Variants in SCRT1 observed in about 807,000 individuals in gnomAD.
SCRT1 encodes scratch family transcriptional repressor 1, also known as transcriptional repressor scratch 1.
A neutral mutation model predicts 3.4 loss-of-function variants in SCRT1; 1 was observed. That is an observed-to-expected ratio of 0.29 (90% CI 0.10 to 1.39). The LOEUF (loss-of-function observed/expected upper bound fraction) is 1.39, where lower values mean the gene tolerates loss of function less well. Among genes scored for constraint, SCRT1 ranks in the 40% most tolerant of loss-of-function variants. The probability of loss-of-function intolerance (pLI) is 0.42; values close to 1 mark genes in which losing one functional copy is unlikely to be tolerated. For synonymous variants in SCRT1, 238 were observed against 247.0 expected (o/e 0.96, Z 0.34); for missense variants, 380 against 526.3 (o/e 0.72, Z 2.72).
Position 144,332,304 on chromosome 8 carries a change from C to G in SCRT1, c.*881G>C, listed in dbSNP as rs1554849650. 2 of 151,450 alleles carry G rather than the reference C, an allele frequency of 1.3e-5. No homozygotes were observed. The highest frequency in any genetic ancestry group is 2.9e-5 in the Non-Finnish European group (2 of 67,996). 9.4% of individuals were successfully genotyped at this position (151,450 alleles called of 1,614,324 possible). On this transcript the variant is annotated 3_prime_UTR_variant, in exon 2 of 2. Coordinates refer to ENST00000569446, the MANE Select transcript of SCRT1 (RefSeq NM_031309.6). ...CGCAACCCCCCCAGGGGGCTTTACC[C>G]GCAAAGCGAAGACAGAGGTGTGTAG...
chr8:144,335,757 T>C lies in SCRT1; in HGVS notation c.115+298A>G, dbSNP rs533308300. Among the ~76,000 whole-genome samples the C allele has an allele frequency of 6.6e-6, 1 of 152,312 alleles. No homozygotes were observed. Among genetic ancestry groups the C allele is most frequent in the East Asian group, 1.9e-4 (1 of 5,176 alleles). ...CTGGGTCCCGTCATGGCAGCGCCCA[T>C]GCGGCTGTGTCTGTCCCAGCATGGG... On this transcript the variant is annotated intron_variant, in intron 1 of 1. Transcript: ENST00000569446. This position sits in a 1 kb window ranked among gnomAD's most constrained non-coding sequence, Gnocchi z 7.7.
Position 144,333,711 on chromosome 8 carries a change from G to T in SCRT1, c.521C>A (p.Ala174Glu). Residue 174 changes from alanine to glutamate, a missense_variant, in exon 2 of 2, where the codon GCA (alanine) becomes GAA (glutamate). Transcript: ENST00000569446. ...PGGRGGTRAG[A>E]GTEARAGPGA... ...TGGCCCCGCGCGCGCCTCGGTGCCT[G>T]CCCCCGCGCGCGTGCCGCCCCGGCC... The T allele has an allele frequency of 8.7e-7, 1 of 1,143,846 alleles. No homozygotes were observed. The highest frequency in any genetic ancestry group is 1.1e-6 in the Non-Finnish European group (1 of 932,662). The allele number at this position is 1,143,846 out of a possible 1,614,324, so 70.9% of individuals were successfully genotyped here. A position where few individuals can be genotyped will look rare whatever the true frequency, so the allele number is the denominator to read the frequency against.
chr8:144,333,422 G>A lies in SCRT1; in HGVS notation c.810C>T (p.His270=). 1 of 1,603,194 alleles carries A rather than the reference G, an allele frequency of 6.2e-7. No homozygotes were observed. The highest frequency in any genetic ancestry group is 8.5e-7 in the Non-Finnish European group (1 of 1,176,730). ...PWLLQGHMRS[H]TGEKPFGCAH... ...CGCAGCCGAAGGGTTTCTCGCCGGTGTGCGAGCGCATGTGGCCCTGCAGCA... is the reference window on the plus strand; with the variant it reads ...CGCAGCCGAAGGGTTTCTCGCCGGTATGCGAGCGCATGTGGCCCTGCAGCA... Residue 270 remains histidine, a synonymous_variant, in exon 2 of 2, where the codon CAC becomes CAT. Transcript: ENST00000569446.
rs1284137092 is a variant in SCRT1, at chr8:144,332,006, C to A, written c.*1179G>T. ...GTCGCCGCCGAGGCTTTGGCATAGACGGGCGAAAGTTGGCAACCGAGTGGG... is the reference window on the plus strand; with the variant it reads ...GTCGCCGCCGAGGCTTTGGCATAGAAGGGCGAAAGTTGGCAACCGAGTGGG... On this transcript the variant is annotated 3_prime_UTR_variant, in exon 2 of 2. Coordinates refer to ENST00000569446, the MANE Select transcript of SCRT1 (RefSeq NM_031309.6). 2 of 133,462 alleles carry A rather than the reference C, an allele frequency of 1.5e-5. No individual in the cohort carries two copies. The highest frequency in any genetic ancestry group is 5.6e-5 in the African/African-American group (2 of 35,500). 8.3% of individuals were successfully genotyped at this position (133,462 alleles called of 1,614,324 possible).
In SCRT1 at chr8:144,333,688, GCCCCGCGCGCGCCTCGGTGCCTGC is replaced by G. The variant is rs1588694546; in HGVS notation, c.520_543del (p.Ala174_Gly181del). The G allele has an allele frequency of 9.1e-6, 13 of 1,425,618 alleles. No individual in the cohort carries two copies. The East Asian group carries it at 3.5e-4, about 39-fold the overall frequency. 88.3% of individuals were successfully genotyped at this position (1,425,618 alleles called of 1,614,324 possible). ...CGGCCGCCAGCACCTGCGGCCCCTG[GCCCCGCGCGCGCCTCGGTGCCTGC>G]CCCCGCGCGCGTGCCGCCCCGGCCC... On this transcript the variant is annotated inframe_deletion, in exon 2 of 2. Transcript: ENST00000569446.
Position 144,335,829 on chromosome 8 carries a change from C to A in SCRT1, c.115+226G>T, listed in dbSNP as rs1554850234. On this transcript the variant is annotated intron_variant, in intron 1 of 1. Transcript: ENST00000569446. The surrounding 1 kb of genome is among the most constrained non-coding windows in gnomAD (Gnocchi z 7.7). ...GCGTTTGGGTACCTCAGTTCCTGAT[C>A]CTCTTCCCCACCCTCTGTCCAACGT... Among the ~76,000 whole-genome samples, 1 of 152,182 alleles carries A rather than the reference C, an allele frequency of 6.6e-6. No homozygotes were observed. The highest frequency in any genetic ancestry group is 1.5e-5 in the Non-Finnish European group (1 of 68,028).
In SCRT1 at chr8:144,335,897, C is replaced by T. The variant is rs1358931989; in HGVS notation, c.115+158G>A. On this transcript the variant is annotated intron_variant, in intron 1 of 1. Transcript: ENST00000569446. The surrounding 1 kb of genome is among the most constrained non-coding windows in gnomAD (Gnocchi z 7.7). ...AGCCTTGGCCTCTGTGTTCCCCTTC[C>T]TCCCCTCTACCGTCCAGGCTCCAGC... 6.6e-6 allele frequency among the ~76,000 whole-genome samples: 1 copy of T among 152,238 alleles called. No homozygotes were observed. The highest frequency in any genetic ancestry group is 2.4e-5 in the African/African-American group (1 of 41,458).
chr8:144,334,663 C>T (rs573012242), intron 1 of SCRT1, among the ~76,000 whole-genome samples: 2 of 152,172 alleles, frequency 1.3e-5, no homozygotes, highest in Admixed American at 6.5e-5. Context: ...TTGATGTTGA[C>T]CCCCTCTGGC....
intron 1 of SCRT1, among the ~76,000 whole-genome samples, 181 bp from the exon 2 acceptor site, chr8:144,334,297 C>G (rs971400942): frequency 2.6e-5 from 4 of 151,918 alleles, no homozygotes; most frequent in African/African-American, 7.3e-5. Context: ...AGGATGGAGA[C>G]AGCAGGGAGG....
intron 1 of SCRT1, 40 bp from the exon 2 acceptor site, chr8:144,334,156 G>A: frequency 2.3e-6 from 3 of 1,301,608 alleles, no homozygotes; most frequent in South Asian, 1.3e-5. Flanking sequence ...AGGGAATGGG[G>A]CGGCGGCAGG....
rs1817814990 is a variant in SCRT1, at chr8:144,333,077, C to T, written c.*108G>A. On this transcript the variant is annotated 3_prime_UTR_variant, in exon 2 of 2. Transcript: ENST00000569446. Reference sequence around the variant, plus strand: ...GGACCGGGCCCCCCTCCCCCTATTGCTGTGAGGAGGGGCCCGCCCTCCGGC... The same window carrying T: ...GGACCGGGCCCCCCTCCCCCTATTGTTGTGAGGAGGGGCCCGCCCTCCGGC... The T allele has an allele frequency of 1.0e-6, 1 of 980,696 alleles. No homozygotes were observed. Among genetic ancestry groups the T allele is most frequent in the South Asian group, 1.8e-5 (1 of 55,914 alleles). 60.7% of individuals were successfully genotyped at this position (980,696 alleles called of 1,614,324 possible).
chr8:144,334,670 T>C (rs1373811190), intron 1 of SCRT1, among the ~76,000 whole-genome samples: 1 of 152,056 alleles, frequency 6.6e-6, no homozygotes, highest in Admixed American at 6.5e-5. Flanking sequence ...TGACCCCCTC[T>C]GGCCTTCTGG....
intron 1 of SCRT1, among the ~76,000 whole-genome samples, chr8:144,334,484 T>G (rs1464782976): frequency 1.5e-5 from 1 of 65,014 alleles, no homozygotes. Flanking sequence ...CCACCCACCC[T>G]CCCCTCCCCC....
rs576100566 is a variant in SCRT1, at chr8:144,336,390, C to T, written c.-221G>A. On this transcript the variant is annotated 5_prime_UTR_variant, in exon 1 of 2. Coordinates refer to ENST00000569446, the MANE Select transcript of SCRT1 (RefSeq NM_031309.6). This position sits in a 1 kb window ranked among gnomAD's most constrained non-coding sequence, Gnocchi z 6.8. ...TTCTTCCTCCTTCCTTCAATCCTTC[C>T]TTCCTTCCTTCAATCCTTCCTTCCT... The T allele has an allele frequency of 8.7e-4, 415 of 474,576 alleles. 8 individuals are homozygous for T. The highest frequency in any genetic ancestry group is 7.4e-3 in the South Asian group (281 of 37,992). 29.4% of individuals were successfully genotyped at this position (474,576 alleles called of 1,614,324 possible).
chr8:144,335,891 C>T lies in SCRT1; in HGVS notation c.115+164G>A, dbSNP rs1259653907. On this transcript the variant is annotated intron_variant, in intron 1 of 1. Transcript: ENST00000569446. This position sits in a 1 kb window ranked among gnomAD's most constrained non-coding sequence, Gnocchi z 7.7. ...CTGCCCAGCCTTGGCCTCTGTGTTC[C>T]CCTTCCTCCCCTCTACCGTCCAGGC... is the stretch of plus-strand genomic sequence containing the variant. Among the ~76,000 whole-genome samples the T allele has an allele frequency of 6.6e-6, 1 of 152,232 alleles. No individual in the cohort carries two copies. The highest frequency in any genetic ancestry group is 1.5e-5 in the Non-Finnish European group (1 of 68,026).
At position 144,333,789 on chromosome 8, in the gene SCRT1, T is replaced by G; in HGVS notation, c.443A>C (p.Asp148Ala). Residue 148 changes from aspartate to alanine, a missense_variant, in exon 2 of 2, where the codon GAC (aspartate) becomes GCC (alanine). By Grantham distance (126) the Asp-to-Ala change is moderately radical. Around this residue, in one of 5 missense-constraint regions of SCRT1, gnomAD observed 115 missense variants for 107.3 expected, o/e 1.07. Transcript: ENST00000569446. ...GCCCGCCCCGCCCCCGCCTCCGGCG[T>G]CGCCGTCGGGGGCCGCCGCCGAGGC... ...STASAAAPDG[D>A]AGGGGGAGGR... is the part of the protein sequence containing the mutation. 8.3e-7 allele frequency: 1 copy of G among 1,205,920 alleles called. No individual in the cohort carries two copies. Among genetic ancestry groups the G allele is most frequent in the Non-Finnish European group, 1.0e-6 (1 of 972,214 alleles). The allele number at this position is 1,205,920 out of a possible 1,614,324, so 74.7% of individuals were successfully genotyped here. A position where few individuals can be genotyped will look rare whatever the true frequency, so the allele number is the denominator to read the frequency against.
At position 144,336,351 on chromosome 8, in the gene SCRT1, C is replaced by T. The variant is rs1817889204; in HGVS notation, c.-182G>A. On this transcript the variant is annotated 5_prime_UTR_variant, in exon 1 of 2. Transcript: ENST00000569446. The surrounding 1 kb of genome is among the most constrained non-coding windows in gnomAD (Gnocchi z 6.8). Reference sequence around the variant, plus strand: ...GCTGCCCTGCGTCTCCTCCGTTGCCCCTCCGGATCCCTCTTCTTCCTCCTT... The same window carrying T: ...GCTGCCCTGCGTCTCCTCCGTTGCCTCTCCGGATCCCTCTTCTTCCTCCTT... 2.3e-5 allele frequency: 12 copies of T among 524,426 alleles called. No individual in the cohort carries two copies. The East Asian group carries it at 3.8e-4, about 17-fold the overall frequency. 32.5% of individuals were successfully genotyped at this position (524,426 alleles called of 1,614,324 possible).
rs1173179174 is a variant in SCRT1 at position 144,332,997 on chromosome 8, C to T, written c.*188G>A. ...AGGGGGCTCGGGGTGGGTCTCCCCT[C>T]GGGACCCTATTGCTTGAAGGGGCCG... is the stretch of plus-strand genomic sequence containing the variant. On this transcript the variant is annotated 3_prime_UTR_variant, in exon 2 of 2. Transcript: ENST00000569446. 1 of 516,446 alleles carries T rather than the reference C, an allele frequency of 1.9e-6. No homozygotes were observed. Among genetic ancestry groups the T allele is most frequent in the African/African-American group, 2.7e-5 (1 of 37,326 alleles). 32.0% of individuals were successfully genotyped at this position (516,446 alleles called of 1,614,324 possible).
Position 144,331,778 on chromosome 8 carries a change from G to A in SCRT1, c.*1407C>T, listed in dbSNP as rs1554849539. On this transcript the variant is annotated 3_prime_UTR_variant, in exon 2 of 2. Coordinates refer to ENST00000569446, the MANE Select transcript of SCRT1 (RefSeq NM_031309.6). Reference sequence around the variant, plus strand: ...GATCTAGGGGCCTATGGGGTGGGTAGGGCGAGGGGATACCTGATTCTCAGT... The same window carrying A: ...GATCTAGGGGCCTATGGGGTGGGTAAGGCGAGGGGATACCTGATTCTCAGT... The A allele has an allele frequency of 6.6e-6, 1 of 152,580 alleles. No homozygotes were observed. The highest frequency in any genetic ancestry group is 6.5e-5 in the Admixed American group (1 of 15,286). 9.5% of individuals were successfully genotyped at this position (152,580 alleles called of 1,614,324 possible).
Sources: gnomAD v4.1 joint callset for allele counts (sites outside exome capture counted in the v4.1 genomes callset) on GRCh38, gnomAD v4.1.1 for gene constraint, gnomAD v4.1.1 regional missense constraint, Gnocchi (gnomAD v3.1) non-coding constraint, MANE v1.5 for transcripts, NCBI Gene and HGNC (gene_info 2026-07-23, HGNC 2026-07-21) for gene names.